Variants in FUT9 observed in about 807,000 individuals in gnomAD.
FUT9 encodes the protein fucosyltransferase 9, also known as 4-galactosyl-N-acetylglucosaminide 3-alpha-L-fucosyltransferase 9.
A neutral mutation model predicts 29.7 loss-of-function variants in FUT9; 15 were observed. The ratio of observed to expected loss-of-function variants is 0.51; its 90% CI spans 0.34 to 0.78. The LOEUF is 0.78. Ranked by LOEUF, FUT9 falls within the 30% of genes least tolerant of loss-of-function variation. The pLI, the probability that FUT9 is intolerant of heterozygous loss-of-function variation, is 0.01. For missense variants in FUT9, 319 were observed against 425.4 expected, an observed-to-expected ratio of 0.75 and a Z score of 2.20; for synonymous variants, 169 against 153.7, an observed-to-expected ratio of 1.10 and a Z score of -0.74.
At chr6:96,028,292 T>G (rs1000362427) in intron 1 of FUT9, among the ~76,000 whole-genome samples, 2 of 151,602 alleles carry the variant, frequency 1.3e-5, no homozygotes, top group African/African-American at 4.8e-5. Context: ...CAGATATAAC[T>G]GGGTTCAAAT....
intron 1 of FUT9, among the ~76,000 whole-genome samples, chr6:96,058,981 GT>G (rs1770826378): frequency 6.6e-6 from 1 of 152,112 alleles, no homozygotes; most frequent in Non-Finnish European, 1.5e-5. Context: ...AGTAATGGCA[GT>G]TGCATTTGCC....
chr6:96,109,986 TACTGTCGTGGG>T (rs1056641614), intron 1 of FUT9, among the ~76,000 whole-genome samples: 1 of 152,168 alleles, frequency 6.6e-6, no homozygotes, highest in Non-Finnish European at 1.5e-5. Flanking sequence ...CAGTGCTTGT[TACTGTCGTGGG>T]ACTTTGCACT....
intron 1 of FUT9, among the ~76,000 whole-genome samples, chr6:96,047,152 C>T (rs1770577740): frequency 6.6e-6 from 1 of 152,150 alleles, no homozygotes; most frequent in Non-Finnish European, 1.5e-5. Flanking sequence ...ACAAATACAA[C>T]ATGTCCTCAC....
intron 1 of FUT9, among the ~76,000 whole-genome samples, chr6:96,068,561 CTA>C (rs1179187197): frequency 2.6e-5 from 3 of 117,458 alleles, no homozygotes; most frequent in East Asian, 2.7e-4. Context: ...ACATAGCAAA[CTA>C]TTTTTATCCT....
intron 1 of FUT9, among the ~76,000 whole-genome samples, chr6:96,056,645 G>A (rs1405183603): frequency 1.3e-5 from 2 of 152,100 alleles, no homozygotes; most frequent in Non-Finnish European, 2.9e-5. Context: ...AGGTACTTGC[G>A]AGGATGAAGC....
At chr6:96,081,146 A>ATAT (rs1771230500) in intron 1 of FUT9, among the ~76,000 whole-genome samples, 1 of 151,884 alleles carries the variant, frequency 6.6e-6, no homozygotes, top group Admixed American at 6.6e-5. Context: ...AAACATAAAA[A>ATAT]GTATATGTAA....
chr6:96,080,306 C>A (rs903652179), intron 1 of FUT9, among the ~76,000 whole-genome samples: 2 of 151,896 alleles, frequency 1.3e-5, no homozygotes, highest in Admixed American at 6.5e-5. Context: ...TAAATAACTT[C>A]TTTAATAATT....
intron 1 of FUT9, among the ~76,000 whole-genome samples, chr6:96,100,261 A>G (rs1350818464): frequency 6.8e-6 from 1 of 148,038 alleles, no homozygotes; most frequent in Non-Finnish European, 1.5e-5. Context: ...ACACACACAC[A>G]CACACACACA....
chr6:96,204,976 T>C lies in FUT9; in HGVS notation c.*741T>C, dbSNP rs563406052. On this transcript the variant is annotated 3_prime_UTR_variant, in exon 3 of 3. Coordinates refer to ENST00000302103, the MANE Select transcript of FUT9 (RefSeq NM_006581.4). Reference sequence around the variant, plus strand: ...CTGGGAAGTAATCCCAATAATACTTTAGAAAATCTAAGACAGTTCTTTCTG... The same window carrying C: ...CTGGGAAGTAATCCCAATAATACTTCAGAAAATCTAAGACAGTTCTTTCTG... 1.2e-5 allele frequency: 2 copies of C among 163,146 alleles called. No individual in the cohort carries two copies. Among genetic ancestry groups the C allele is most frequent in the South Asian group, 2.1e-4 (1 of 4,824 alleles). The allele number at this position is 163,146 out of a possible 1,614,324, so 10.1% of individuals were successfully genotyped here. A position where few individuals can be genotyped will look rare whatever the true frequency, so the allele number is the denominator to read the frequency against.
intron 1 of FUT9, among the ~76,000 whole-genome samples, chr6:96,044,078 C>T (rs187772313): frequency 4.5e-4 from 69 of 152,076 alleles, no homozygotes; most frequent in Admixed American, 1.2e-3. Context: ...TAAGTGGTTG[C>T]GAGTGAGATG....
intron 2 of FUT9, among the ~76,000 whole-genome samples, chr6:96,188,289 A>G (rs1388620358): frequency 6.6e-6 from 1 of 151,330 alleles, no homozygotes; most frequent in African/African-American, 2.4e-5. Context: ...ATTTTTAGAG[A>G]TGGGACCTGA....
At chr6:96,181,047 TTAAGA>T (rs1032583742) in intron 2 of FUT9, among the ~76,000 whole-genome samples, 2 of 152,060 alleles carry the variant, frequency 1.3e-5, no homozygotes, top group Non-Finnish European at 1.5e-5. Flanking sequence ...AAATATATAG[TTAAGA>T]TAAGGAAATA....
At chr6:96,064,710 A>G (rs1345634166) in intron 1 of FUT9, among the ~76,000 whole-genome samples, 1 of 152,058 alleles carries the variant, frequency 6.6e-6, no homozygotes, top group Non-Finnish European at 1.5e-5. Context: ...TTCTATTCAA[A>G]CCATTCTTTA....
At chr6:96,021,380 T>C (rs762073975) in intron 1 of FUT9, among the ~76,000 whole-genome samples, 5 of 151,824 alleles carry the variant, frequency 3.3e-5, no homozygotes, top group Non-Finnish European at 7.4e-5. Flanking sequence ...TCCTTGGAGG[T>C]CATAGGGTAA....
intron 2 of FUT9, among the ~76,000 whole-genome samples, chr6:96,125,814 C>T (rs1187868766): frequency 2.6e-5 from 4 of 152,204 alleles, no homozygotes; most frequent in Admixed American, 6.5e-5. Context: ...TGTTAACTCT[C>T]CTAAAAGCAT....
At chr6:96,201,754 T>A (rs1009158696) in intron 2 of FUT9, among the ~76,000 whole-genome samples, 1 of 151,864 alleles carries the variant, frequency 6.6e-6, no homozygotes, top group East Asian at 1.9e-4. Context: ...TTCATTTTCT[T>A]ATTGACTATA....
At chr6:96,133,436 TA>T (rs1772285147) in intron 2 of FUT9, among the ~76,000 whole-genome samples, 2 of 152,088 alleles carry the variant, frequency 1.3e-5, no homozygotes, top group Admixed American at 1.3e-4. Context: ...ATCAATTGGT[TA>T]TTTTTTGAAT....
rs968372188 is a variant in FUT9, at chr6:96,126,964, A to G, written c.-9+12837A>G. Among the ~76,000 whole-genome samples, 7 of 152,210 alleles carry G rather than the reference A, an allele frequency of 4.6e-5. No homozygotes were observed. In the South Asian group the frequency reaches 1.4e-3, roughly 31 times the overall value. ...CAACCAAAATAATTCATGGAAAACT[A>G]TTATTAAGAATGGTTTCAGGTTATT... is the stretch of plus-strand genomic sequence containing the variant. On this transcript the variant is annotated intron_variant, in intron 2 of 2. Transcript: ENST00000302103.
At chr6:96,089,686 C>T (rs924196093) in intron 1 of FUT9, among the ~76,000 whole-genome samples, 15 of 152,098 alleles carry the variant, frequency 9.9e-5, no homozygotes, top group African/African-American at 2.4e-4. Context: ...GAGGCATGAA[C>T]GCCTTTCTAT....
Sources: gnomAD v4.1 joint callset for allele counts (sites outside exome capture counted in the v4.1 genomes callset) on GRCh38, gnomAD v4.1.1 for gene constraint, MANE v1.5 for transcripts, NCBI Gene and HGNC (gene_info 2026-07-23, HGNC 2026-07-21) for gene names.